Variants in GNPTAB observed in about 807,000 individuals in gnomAD.
The protein encoded by GNPTAB is N-acetylglucosamine-1-phosphate transferase subunits alpha and beta.
GNPTAB carries 92 observed loss-of-function variants against 136.6 expected under a neutral mutation model. The observed-to-expected ratio is 0.67, with a 90% CI of 0.57 to 0.80. The LOEUF is 0.80. Ranked by LOEUF, GNPTAB falls within the 30% of genes least tolerant of loss-of-function variation. GNPTAB has a pLI of 0.00. For missense variants in GNPTAB, 1,343 were observed against 1,501.8 expected, an observed-to-expected ratio of 0.89 and a Z score of 1.75; for synonymous variants, 512 against 535.1, an observed-to-expected ratio of 0.96 and a Z score of 0.60.
At position 101,753,443 on chromosome 12, in the gene GNPTAB, G is replaced by A. The variant is rs1462769269; in HGVS notation, c.3531C>T (p.Pro1177=). 6.2e-7 allele frequency: 1 copy of A among 1,613,638 alleles called. No homozygotes were observed. The highest frequency in any genetic ancestry group is 1.1e-5 in the South Asian group (1 of 91,076). ...TTGGCAGTTCAAATTGGGAAGGTAT[G>A]GGGAACATGGATTCATAGAAGTCCC... The part of the protein sequence containing the change: ...VLRDFYESMF[P]IPSQFELPRE... The change falls in exon 19 of 21, where the codon CCC becomes CCT. Residue 1177 remains proline (P), a synonymous_variant. Transcript: ENST00000299314.
intron 1 of GNPTAB, among the ~76,000 whole-genome samples, chr12:101,805,287 T>C (rs1241257701): frequency 2.0e-5 from 3 of 152,252 alleles, no homozygotes; most frequent in African/African-American, 4.8e-5. Flanking sequence ...AAGTGAATTT[T>C]ATTTCACACT....
intron 7 of GNPTAB, among the ~76,000 whole-genome samples, chr12:101,771,794 A>G (rs1243439741): frequency 6.6e-6 from 1 of 152,212 alleles, no homozygotes; most frequent in Non-Finnish European, 1.5e-5. Flanking sequence ...CAATTTTTCA[A>G]TGTTGGCTCA....
intron 12 of GNPTAB, chr12:101,765,835 T>C: frequency 2.2e-6 from 1 of 461,042 alleles, no homozygotes; most frequent in Non-Finnish European, 4.0e-6. Flanking sequence ...CTTCACCACA[T>C]ATTTTCAGCT....
chr12:101,801,065 C>G (rs972215417), intron 1 of GNPTAB, among the ~76,000 whole-genome samples: 6 of 150,632 alleles, frequency 4.0e-5, no homozygotes, highest in Non-Finnish European at 8.9e-5. Context: ...GAGACCTCAT[C>G]TCTACAAAAA....
chr12:101,780,059 T>C lies in GNPTAB; in HGVS notation c.771+93A>G, dbSNP rs1325973786. On this transcript the variant is annotated intron_variant, in intron 7 of 20. Coordinates refer to ENST00000299314, the MANE Select transcript of GNPTAB (RefSeq NM_024312.5). ...CTCTTTGCTTCTTATGTTTATCAGCTAAACTTTGGGGGAAAAAAATGGACC... is the reference window on the plus strand; with the variant it reads ...CTCTTTGCTTCTTATGTTTATCAGCCAAACTTTGGGGGAAAAAAATGGACC... 5.5e-6 allele frequency: 7 copies of C among 1,273,678 alleles called. No individual in the cohort carries two copies. The East Asian group carries it at 9.3e-5, about 17-fold the overall frequency. 78.9% of individuals were successfully genotyped at this position (1,273,678 alleles called of 1,614,324 possible). A position where few individuals can be genotyped will look rare whatever the true frequency, so the allele number is the denominator to read the frequency against.
chr12:101,773,789 T>C (rs538014596), intron 7 of GNPTAB: 1 of 152,298 alleles, frequency 6.6e-6, no homozygotes, highest in South Asian at 2.1e-4. Context: ...CTGGACATCA[T>C]CATTACTTTT....
At chr12:101,750,601 T>C (rs1952801728) in intron 19 of GNPTAB, among the ~76,000 whole-genome samples, 1 of 152,176 alleles carries the variant, frequency 6.6e-6, no homozygotes. Context: ...GAGGGTAAAT[T>C]TAGTCACAAA....
intron 19 of GNPTAB, among the ~76,000 whole-genome samples, chr12:101,752,744 G>A (rs954325787): frequency 2.6e-5 from 4 of 152,082 alleles, no homozygotes; most frequent in African/African-American, 9.6e-5. Context: ...AGCACATACC[G>A]ACCTCATGTA....
chr12:101,802,890 T>C (rs1869726077), intron 1 of GNPTAB, among the ~76,000 whole-genome samples: 1 of 151,932 alleles, frequency 6.6e-6, no homozygotes. Context: ...ACCACTAAAA[T>C]CCTTAATCTC....
intron 13 of GNPTAB, among the ~76,000 whole-genome samples, chr12:101,763,170 C>T (rs1253690663): frequency 4.0e-5 from 6 of 148,914 alleles, no homozygotes; most frequent in South Asian, 4.2e-4. Flanking sequence ...TGCAGTGAGC[C>T]GAGATCACGC....
At position 101,798,739 on chromosome 12, in the gene GNPTAB, T is replaced by C. The variant is rs1033320729; in HGVS notation, c.118-1977A>G. Among the ~76,000 whole-genome samples, 4 of 152,202 alleles carry C rather than the reference T, an allele frequency of 2.6e-5. No individual in the cohort carries two copies. In the South Asian group the frequency reaches 8.3e-4, roughly 31 times the overall value. On this transcript the variant is annotated intron_variant, in intron 1 of 20. Coordinates refer to ENST00000299314, the MANE Select transcript of GNPTAB (RefSeq NM_024312.5). Reference sequence around the variant, plus strand: ...GCAGCGAGCTCACATGTTGCGAGTATCTGTAGTGACACTAATTATCTCCAC... The same window carrying C: ...GCAGCGAGCTCACATGTTGCGAGTACCTGTAGTGACACTAATTATCTCCAC...
intron 7 of GNPTAB, among the ~76,000 whole-genome samples, chr12:101,774,997 A>T (rs770763514): frequency 2.6e-5 from 4 of 152,244 alleles, no homozygotes; most frequent in Non-Finnish European, 5.9e-5. Flanking sequence ...AAACAATCAC[A>T]TATCTGCAAA....
At chr12:101,809,533 A>G (rs1260081721) in intron 1 of GNPTAB, among the ~76,000 whole-genome samples, 1 of 152,256 alleles carries the variant, frequency 6.6e-6, no homozygotes. Context: ...TGTCTTTCAA[A>G]AGGTGAATGG....
At position 101,786,006 on chromosome 12, in the gene GNPTAB, T is replaced by A. The variant is rs375794247; in HGVS notation, c.571+6A>T. 1 of 1,593,690 alleles carries A rather than the reference T, an allele frequency of 6.3e-7. No homozygotes were observed. ...TGATTTTAAAATATCCATAAAAAGA[T>A]CTTACCATCCTTAGTACTGTCAAAA... On this transcript the variant is annotated splice_donor_region_variant and intron_variant, in intron 5 of 20. Transcript: ENST00000299314.
Position 101,753,545 on chromosome 12 carries a change from A to G in GNPTAB, c.3435-6T>C, listed in dbSNP as rs1382770380. The G allele has an allele frequency of 1.9e-6, 3 of 1,611,250 alleles. No homozygotes were observed. The highest frequency in any genetic ancestry group is 2.2e-5 in the South Asian group (2 of 91,052). On this transcript the variant is annotated splice_polypyrimidine_tract_variant and splice_region_variant and intron_variant, in intron 18 of 20. Coordinates refer to ENST00000299314, the MANE Select transcript of GNPTAB (RefSeq NM_024312.5). Reference sequence around the variant, plus strand: ...CATTCAGGCAAACAAACTTCCTGAAATAACAGAGAGCCAGGGTTATTAGTT... The same window carrying G: ...CATTCAGGCAAACAAACTTCCTGAAGTAACAGAGAGCCAGGGTTATTAGTT...
Position 101,753,503 on chromosome 12 carries a change from A to G in GNPTAB, c.3471T>C (p.Asn1157=). 1 of 1,613,986 alleles carries G rather than the reference A, an allele frequency of 6.2e-7. No homozygotes were observed. Among genetic ancestry groups the G allele is most frequent in the South Asian group, 1.1e-5 (1 of 91,084 alleles). The part of the protein sequence containing the change: ...FVCLNDNIDH[N]HKDAQTVKAV... ...CCTTCACTGTCTGAGCATCTTTATGATTGTGGTCAATGTTGTCATTCAGGC... is the reference window on the plus strand; with the variant it reads ...CCTTCACTGTCTGAGCATCTTTATGGTTGTGGTCAATGTTGTCATTCAGGC... The change falls in exon 19 of 21, where the codon AAT becomes AAC. Residue 1157 remains asparagine, a synonymous_variant. Transcript: ENST00000299314.
At chr12:101,777,355 T>C (rs972196496) in intron 7 of GNPTAB, among the ~76,000 whole-genome samples, 6 of 152,180 alleles carry the variant, frequency 3.9e-5, no homozygotes, top group African/African-American at 1.4e-4. Flanking sequence ...AAAAATCTAG[T>C]ATTCTTAACA....
intron 1 of GNPTAB, among the ~76,000 whole-genome samples, chr12:101,802,891 C>T (rs925819815): frequency 6.6e-5 from 10 of 152,152 alleles, no homozygotes; most frequent in African/African-American, 1.9e-4. Context: ...CCACTAAAAT[C>T]CTTAATCTCC....
chr12:101,783,761 C>G (rs1196389315), intron 5 of GNPTAB, among the ~76,000 whole-genome samples: 8 of 151,454 alleles, frequency 5.3e-5, no homozygotes, highest in Non-Finnish European at 1.2e-4. Flanking sequence ...CTTGCCCAGG[C>G]TGGAGATCAG....
Sources: allele counts gnomAD v4.1 joint callset (sites outside exome capture counted in the v4.1 genomes callset), GRCh38; gene constraint gnomAD v4.1.1; transcripts MANE v1.5; gene names NCBI Gene and HGNC (gene_info 2026-07-23, HGNC 2026-07-21).